The following KANSL1 variants were observed in gnomAD, a reference collection of about 807,000 sequenced individuals.
The protein encoded by KANSL1 is KAT8 regulatory NSL complex subunit 1.
A neutral mutation model predicts 103.6 loss-of-function variants in KANSL1; 22 were observed. The ratio of observed to expected loss-of-function variants is 0.21; its 90% CI spans 0.15 to 0.30. KANSL1 has a LOEUF of 0.30. Among genes scored for constraint, KANSL1 ranks in the 10% least tolerant of loss-of-function variants. The pLI, the probability that KANSL1 is intolerant of heterozygous loss-of-function variation, is 1.00. For synonymous variants in KANSL1, 600 were observed against 527.6 expected (o/e 1.14, Z -1.88); for missense variants, 1,337 against 1,399.8 (o/e 0.96, Z 0.72).
chr17:46,056,464 C>T (rs1332490714), intron 6 of KANSL1, among the ~76,000 whole-genome samples: 1 of 152,146 alleles, frequency 6.6e-6, no homozygotes, highest in African/African-American at 2.4e-5. Context: ...AGACAAGTTA[C>T]TGTGTCTTCA....
intron 1 of KANSL1, among the ~76,000 whole-genome samples, chr17:46,185,688 T>TAC (rs1567781864): frequency 4.8e-5 from 3 of 62,314 alleles, no homozygotes; most frequent in South Asian, 3.8e-4. Context: ...TACACACACA[T>TAC]ATATACACAC....
At chr17:46,125,040 GGAGGGA>G (rs2043464619) in intron 2 of KANSL1, among the ~76,000 whole-genome samples, 1 of 78,096 alleles carries the variant, frequency 1.3e-5, no homozygotes, top group Non-Finnish European at 2.5e-5. Flanking sequence ...AGGTAGGGAG[GGAGGGA>G]GGAGGGAGGG....
At chr17:46,202,231 T>C (rs1567800166) in intron 1 of KANSL1, among the ~76,000 whole-genome samples, 1 of 152,218 alleles carries the variant, frequency 6.6e-6, no homozygotes, top group African/African-American at 2.4e-5. Context: ...GCATAATGTG[T>C]ACATGAAACA....
intron 2 of KANSL1, among the ~76,000 whole-genome samples, chr17:46,160,771 T>C (rs1356612993): frequency 6.6e-6 from 1 of 152,252 alleles, no homozygotes; most frequent in Non-Finnish European, 1.5e-5. Context: ...GCCATTATTT[T>C]ACATGATGGT....
intron 2 of KANSL1, among the ~76,000 whole-genome samples, chr17:46,132,865 C>G (rs182851696): frequency 1.7e-3 from 237 of 137,154 alleles, no homozygotes; most frequent in African/African-American, 5.6e-3. Flanking sequence ...ATCACTTGAG[C>G]CTGGGAGGTC....
intron 2 of KANSL1, among the ~76,000 whole-genome samples, chr17:46,158,421 C>T (rs1341352163): frequency 1.3e-5 from 2 of 151,192 alleles, no homozygotes; most frequent in East Asian, 2.0e-4. Context: ...TGCGGTGGCA[C>T]GATCGATCTC....
At chr17:46,064,041 T>C (rs1345954985) in intron 6 of KANSL1, among the ~76,000 whole-genome samples, 4 of 129,038 alleles carry the variant, frequency 3.1e-5, no homozygotes, top group Admixed American at 8.6e-5. Context: ...TTTAGAGATA[T>C]ACGACTATTA....
intron 2 of KANSL1, among the ~76,000 whole-genome samples, chr17:46,142,610 T>TATCAA (rs1017034298): frequency 1.3e-5 from 2 of 152,230 alleles, no homozygotes; most frequent in African/African-American, 4.8e-5. Context: ...CTGCAGACTG[T>TATCAA]ATCAAAACAA....
intron 3 of KANSL1, among the ~76,000 whole-genome samples, chr17:46,089,558 T>C (rs1486773899): frequency 6.8e-6 from 1 of 146,452 alleles, no homozygotes; most frequent in Non-Finnish European, 1.5e-5. Context: ...ATCACCTAGG[T>C]TCATCTCAAA....
chr17:46,164,774 T>C (rs1432579656), intron 2 of KANSL1, among the ~76,000 whole-genome samples: 1 of 152,258 alleles, frequency 6.6e-6, no homozygotes, highest in African/African-American at 2.4e-5. Flanking sequence ...ACAGTCACAT[T>C]TCAAAGTAGT....
chr17:46,089,950 G>A (rs2079318640), intron 3 of KANSL1, among the ~76,000 whole-genome samples: 1 of 152,240 alleles, frequency 6.6e-6, no homozygotes, highest in Admixed American at 6.5e-5. Context: ...GCTTGTTAGA[G>A]CAAGTTGAAT....
At chr17:46,035,355 T>C (rs2077117487) in intron 10 of KANSL1, 1 of 152,266 alleles carries the variant, frequency 6.6e-6, no homozygotes, top group Non-Finnish European at 1.5e-5. Context: ...CTCTATCCTC[T>C]GTTCCTGGAC....
chr17:46,161,957 T>G (rs2045765011), intron 2 of KANSL1, among the ~76,000 whole-genome samples: 1 of 152,262 alleles, frequency 6.6e-6, no homozygotes, highest in Non-Finnish European at 1.5e-5. Context: ...TAAAATAATT[T>G]CAAAGCAATT....
At chr17:46,207,266 C>T (rs1360217953) in intron 1 of KANSL1, among the ~76,000 whole-genome samples, 1 of 152,182 alleles carries the variant, frequency 6.6e-6, no homozygotes, top group Non-Finnish European at 1.5e-5. Flanking sequence ...AATCCTAGCA[C>T]TTTGGGAGTC....
At chr17:46,050,307 T>G in intron 7 of KANSL1, 1 of 569,848 alleles carries the variant, frequency 1.8e-6, no homozygotes, top group Non-Finnish European at 3.1e-6. Context: ...CCTAGCTACT[T>G]GAAGAGTTAG....
chr17:46,076,801 C>T (rs1407300025), intron 4 of KANSL1, among the ~76,000 whole-genome samples: 1 of 151,936 alleles, frequency 6.6e-6, no homozygotes, highest in East Asian at 1.9e-4. Context: ...TTGATACTAC[C>T]GCAAATGGAA....
intron 1 of KANSL1, among the ~76,000 whole-genome samples, chr17:46,200,621 A>G (rs1053153059): frequency 5.9e-5 from 9 of 152,282 alleles, no homozygotes; most frequent in African/African-American, 2.2e-4. Context: ...GGGCACCCGT[A>G]GTCCCAGCTA....
At chr17:46,077,596 T>C (rs995681958) in intron 4 of KANSL1, among the ~76,000 whole-genome samples, 2 of 152,178 alleles carry the variant, frequency 1.3e-5, no homozygotes, top group African/African-American at 2.4e-5. Flanking sequence ...CTCACTCTGT[T>C]GCCCAGGCTG....
chr17:46,117,001 G>A (rs1172661674), intron 2 of KANSL1, among the ~76,000 whole-genome samples: 1 of 152,104 alleles, frequency 6.6e-6, no homozygotes, highest in Non-Finnish European at 1.5e-5. Context: ...TATTACAAGT[G>A]AAGAAAAAAA....
Sources: allele counts gnomAD v4.1 joint callset (sites outside exome capture counted in the v4.1 genomes callset), GRCh38; gene constraint gnomAD v4.1.1; transcripts MANE v1.5; gene names NCBI Gene and HGNC (gene_info 2026-07-23, HGNC 2026-07-21).